The following DHX57 variants were observed in gnomAD, a reference collection of about 807,000 sequenced individuals.
DHX57 encodes the protein putative ATP-dependent RNA helicase DHX57.
DHX57 carries 105 observed loss-of-function variants against 156.2 expected under a neutral mutation model. The observed-to-expected ratio is 0.67, with a 90% CI of 0.57 to 0.79. The LOEUF is 0.79. Among genes scored for constraint, DHX57 ranks in the 30% least tolerant of loss-of-function variants. The pLI is 0.00. For synonymous variants in DHX57, 704 were observed against 595.6 expected (o/e 1.18, Z -2.65); for missense variants, 1,847 against 1,661.9 (o/e 1.11, Z -1.94).
chr2:38,858,627 A>G, intron 6 of DHX57, 34 bp downstream of exon 6: 1 of 1,575,700 alleles, frequency 6.3e-7, no homozygotes. Context: ...GATATTAGGG[A>G]GGCAACGTTA....
chr2:38,811,591 C>G lies in DHX57; in HGVS notation c.3681+2230G>C, dbSNP rs553405056. The G allele has an allele frequency of 2.0e-4, 277 of 1,369,086 alleles. 1 individual carries two copies. In the African/African-American group the frequency reaches 3.7e-3, roughly 18 times the overall value. The allele number at this position is 1,369,086 out of a possible 1,614,324, so 84.8% of individuals were successfully genotyped here. ...TCATAGCCTTGTTCCTTCAGCCACA[C>G]GAGGATGCAGGAGGTGTCCAGGCCG... On this transcript the variant is annotated intron_variant, in intron 21 of 23. Transcript: ENST00000457308.
At chr2:38,852,442 T>C (rs1353130623) in intron 9 of DHX57, among the ~76,000 whole-genome samples, 4 of 151,760 alleles carry the variant, frequency 2.6e-5, no homozygotes, top group Middle Eastern at 6.8e-3. Context: ...ATATTTATTG[T>C]GGTACAATAC....
chr2:38,798,126 T>A lies in DHX57; in HGVS notation c.*173A>T. The A allele has an allele frequency of 1.4e-6, 1 of 699,314 alleles. No individual in the cohort carries two copies. Among genetic ancestry groups the A allele is most frequent in the Non-Finnish European group, 2.2e-6 (1 of 456,356 alleles). The allele number at this position is 699,314 out of a possible 1,614,324, so 43.3% of individuals were successfully genotyped here. A position where few individuals can be genotyped will look rare whatever the true frequency, so the allele number is the denominator to read the frequency against. On this transcript the variant is annotated 3_prime_UTR_variant, in exon 24 of 24. Coordinates refer to ENST00000457308, the MANE Select transcript of DHX57 (RefSeq NM_198963.3). The stretch of plus-strand genomic sequence containing the variant: ...TGTGCTGGGAGTGGCCAAGGCTTTG[T>A]TAGAAATGGCCCTAAGGGTATATAC...
rs1673212593 is a variant in DHX57, at chr2:38,861,569, G to C, written c.841C>G (p.Leu281Val). ...VWTIGLELEY[L>V]TSRFRKSKPK... is the part of the protein sequence containing the mutation. ...TTGGATTTGCGGAATCTACTTGTCA[G>C]ATACTCCAGTTCTAACCCAATGGTC... The change falls in exon 5 of 24, where the codon CTG becomes GTG. Residue 281 changes from leucine (L) to valine (V), a missense_variant. By Grantham distance (32) the Leu-to-Val change is conservative. Transcript: ENST00000457308. The C allele has an allele frequency of 1.9e-6, 3 of 1,614,050 alleles. No homozygotes were observed. In the African/African-American group the frequency reaches 4.0e-5, roughly 22 times the overall value.
At chr2:38,829,391 C>G (rs1015325520) in intron 13 of DHX57, among the ~76,000 whole-genome samples, 5 of 151,652 alleles carry the variant, frequency 3.3e-5, no homozygotes, top group Non-Finnish European at 7.4e-5. Context: ...AATTGATTCT[C>G]CCGCCTCATC....
chr2:38,852,481 G>A (rs938498840), intron 9 of DHX57, among the ~76,000 whole-genome samples: 23 of 151,610 alleles, frequency 1.5e-4, no homozygotes, highest in Non-Finnish European at 1.0e-4. Context: ...AATTTTCACA[G>A]GACTTTCTCT....
rs540296890 is a variant in DHX57, at chr2:38,814,912, G to C, written c.3606+609C>G. Among the ~76,000 whole-genome samples the C allele has an allele frequency of 9.9e-5, 15 of 152,026 alleles. No homozygotes were observed. The East Asian group carries it at 2.9e-3, about 29-fold the overall frequency. On this transcript the variant is annotated intron_variant, in intron 20 of 23. Coordinates refer to ENST00000457308, the MANE Select transcript of DHX57 (RefSeq NM_198963.3). ...TAATTGTGTATTTTTAGTAAAGACA[G>C]GGTTTCTCCATGTTGGGCAGGCTGG... is the stretch of plus-strand genomic sequence containing the variant.
At chr2:38,826,072 T>C in intron 15 of DHX57, 25 bp from the exon 16 acceptor site, 1 of 1,600,974 alleles carries the variant, frequency 6.2e-7, no homozygotes, top group African/African-American at 1.3e-5. Flanking sequence ...AAAATATAAA[T>C]TGAGTCATTT....
At chr2:38,815,767 T>G in intron 19 of DHX57, 112 bp from the exon 20 acceptor site, 2 of 1,272,068 alleles carry the variant, frequency 1.6e-6, no homozygotes, top group Non-Finnish European at 2.2e-6. Flanking sequence ...GCAATGAGGC[T>G]CAAGTGGATT....
intron 13 of DHX57, among the ~76,000 whole-genome samples, chr2:38,832,606 C>T (rs923447705): frequency 4.7e-5 from 7 of 149,980 alleles, no homozygotes; most frequent in Non-Finnish European, 8.9e-5. Context: ...AGTGAAGTGG[C>T]GCAATCTTGG....
chr2:38,855,759 T>C (rs1482917120), intron 7 of DHX57, among the ~76,000 whole-genome samples: 9 of 152,106 alleles, frequency 5.9e-5, no homozygotes, highest in Non-Finnish European at 1.2e-4. Context: ...AATAGGAGAA[T>C]GTAAAGCAGG....
At position 38,800,937 on chromosome 2, in the gene DHX57, A is replaced by C. The variant is rs554444482; in HGVS notation, c.4017+1778T>G. Among the ~76,000 whole-genome samples, 43 of 152,316 alleles carry C rather than the reference A, an allele frequency of 2.8e-4. No homozygotes were observed. The South Asian group carries it at 7.9e-3, about 28-fold the overall frequency. On this transcript the variant is annotated intron_variant, in intron 23 of 23. Transcript: ENST00000457308. ...TACCCGATTTTGAAGACTTAATATG[A>C]AAAGGTAATGTAAACTATCTTAATA...
chr2:38,829,149 C>T (rs962563900), intron 13 of DHX57, among the ~76,000 whole-genome samples: 7 of 152,024 alleles, frequency 4.6e-5, no homozygotes, highest in Non-Finnish European at 8.8e-5. Flanking sequence ...CGCCATGTTG[C>T]CCAGGCTGGT....
At chr2:38,809,997 T>G (rs1670157922) in intron 21 of DHX57, among the ~76,000 whole-genome samples, 2 of 151,290 alleles carry the variant, frequency 1.3e-5, no homozygotes, top group African/African-American at 4.9e-5. Context: ...AGGCTCAAGC[T>G]ATTCTTCTGC....
At chr2:38,855,723 A>G (rs1672863823) in intron 7 of DHX57, among the ~76,000 whole-genome samples, 1 of 152,204 alleles carries the variant, frequency 6.6e-6, no homozygotes, top group Non-Finnish European at 1.5e-5. Context: ...GAATAAATAA[A>G]TGAAGTCTGC....
intron 11 of DHX57, 73 bp downstream of exon 11, chr2:38,846,946 A>G: frequency 7.4e-7 from 1 of 1,356,522 alleles, no homozygotes; most frequent in Non-Finnish European, 1.0e-6. Flanking sequence ...TTTGCCTTCC[A>G]AAGTGCTAGA....
chr2:38,870,524 T>C (rs1265690469), intron 1 of DHX57, among the ~76,000 whole-genome samples: 2 of 152,220 alleles, frequency 1.3e-5, no homozygotes, highest in Non-Finnish European at 2.9e-5. Flanking sequence ...AATTAATGAC[T>C]GATTTCTTCA....
chr2:38,840,561 TTTTG>T (rs1364814526), intron 12 of DHX57, among the ~76,000 whole-genome samples: 3 of 123,454 alleles, frequency 2.4e-5, no homozygotes, highest in African/African-American at 5.4e-5. Flanking sequence ...TTGTAAGGAC[TTTTG>T]TTTTTTTTAA....
Position 38,797,753 on chromosome 2 carries a change from G to C in DHX57, c.*546C>G, listed in dbSNP as rs573169388. 109 of 152,644 alleles carry C rather than the reference G, an allele frequency of 7.1e-4. 1 individual carries two copies. Among genetic ancestry groups the C allele is most frequent in the Non-Finnish European group, 2.5e-4 (17 of 68,102 alleles). The allele number at this position is 152,644 out of a possible 1,614,324, so 9.5% of individuals were successfully genotyped here. A position where few individuals can be genotyped will look rare whatever the true frequency, so the allele number is the denominator to read the frequency against. On this transcript the variant is annotated 3_prime_UTR_variant, in exon 24 of 24. Coordinates refer to ENST00000457308, the MANE Select transcript of DHX57 (RefSeq NM_198963.3). ...ATTTTTTTAAGTTGACTTTTAATGA[G>C]TAAAAATAAAAACCCCTCACAAGTC...
Sources: gnomAD v4.1 joint callset for allele counts (sites outside exome capture counted in the v4.1 genomes callset) on GRCh38, gnomAD v4.1.1 for gene constraint, MANE v1.5 for transcripts, NCBI Gene and HGNC (gene_info 2026-07-23, HGNC 2026-07-21) for gene names.